Variants in BAG2 observed in about 807,000 individuals in gnomAD.
BAG2 encodes the protein BAG cochaperone 2, also known as BAG family molecular chaperone regulator 2.
Under a neutral mutation model 16.4 loss-of-function variants are expected in BAG2, and 8 were observed. The ratio of observed to expected loss-of-function variants is 0.49; its 90% CI spans 0.29 to 0.88. The LOEUF is 0.88. Among genes scored for constraint, BAG2 ranks in the 40% least tolerant of loss-of-function variants. The pLI is 0.09. For synonymous variants in BAG2, 82 were observed against 89.2 expected (o/e 0.92, Z 0.46); for missense variants, 218 against 248.9 (o/e 0.88, Z 0.84).
In BAG2 at chr6:57,188,794, A is replaced by T. The variant is rs1764716440; in HGVS notation, c.*4604A>T. ...ATGAAAAGCAAAAATTTACTTTTTA[A>T]TTTTTTTTATTTTTCCATCTAAAAT... On this transcript the variant is annotated 3_prime_UTR_variant, in exon 3 of 3. Transcript: ENST00000370693. 1 of 152,080 alleles carries T rather than the reference A, an allele frequency of 6.6e-6. No homozygotes were observed. Among genetic ancestry groups the T allele is most frequent in the East Asian group, 1.9e-4 (1 of 5,200 alleles). The allele number at this position is 152,080 out of a possible 1,614,324, so 9.4% of individuals were successfully genotyped here.
chr6:57,180,017 A>T (rs1428017190), intron 1 of BAG2, among the ~76,000 whole-genome samples: 1 of 152,158 alleles, frequency 6.6e-6, no homozygotes, highest in Non-Finnish European at 1.5e-5. Context: ...GATGATATGG[A>T]TATGATTATT....
chr6:57,179,468 A>G (rs998750742), intron 1 of BAG2, among the ~76,000 whole-genome samples: 1 of 152,202 alleles, frequency 6.6e-6, no homozygotes, highest in Non-Finnish European at 1.5e-5. Flanking sequence ...GGGAAAAGGC[A>G]TGTGTGTGCT....
chr6:57,173,265 A>G, intron 1 of BAG2: 1 of 985,918 alleles, frequency 1.0e-6, no homozygotes, highest in Non-Finnish European at 1.2e-6. Flanking sequence ...GTGGCCCTCC[A>G]CGTGAAGTTA....
At chr6:57,180,293 T>C (rs1764400901) in intron 1 of BAG2, among the ~76,000 whole-genome samples, 1 of 152,188 alleles carries the variant, frequency 6.6e-6, no homozygotes, top group Non-Finnish European at 1.5e-5. Flanking sequence ...ATTTCTCTTG[T>C]TTTTTGAGAA....
At position 57,187,857 on chromosome 6, in the gene BAG2, T is replaced by TTTA. The variant is rs1183685982; in HGVS notation, c.*3670_*3672dup. On this transcript the variant is annotated 3_prime_UTR_variant, in exon 3 of 3. Transcript: ENST00000370693. ...TCATCCTCTTTTTGGTAGTTTTAGC[T>TTTA]TTATTTTGAAAAAGTAACGTGTGCT... 2.0e-5 allele frequency: 3 copies of TTTA among 152,110 alleles called. No homozygotes were observed. The East Asian group carries it at 5.8e-4, about 29-fold the overall frequency. 9.4% of individuals were successfully genotyped at this position (152,110 alleles called of 1,614,324 possible). A position where few individuals can be genotyped will look rare whatever the true frequency, so the allele number is the denominator to read the frequency against.
In BAG2 at chr6:57,183,885, A is replaced by C; in HGVS notation, c.331A>C (p.Lys111Gln). 1 of 1,614,106 alleles carries C rather than the reference A, an allele frequency of 6.2e-7. No homozygotes were observed. The highest frequency in any genetic ancestry group is 8.5e-7 in the Non-Finnish European group (1 of 1,180,010). ...IRNPQQQESL[K>Q]HATRIIDEVV... ...AAACCCCCAGCAGCAAGAATCCCTA[A>C]AGCATGCCACAAGGATTATTGATGA... The change falls in exon 3 of 3, where the codon AAG becomes CAG. Residue 111 changes from lysine to glutamine, a missense_variant. Physicochemically the swap from Lys to Gln is moderately conservative, Grantham distance 53. Around this residue, in one of 3 missense-constraint regions of BAG2, gnomAD observed 113 missense variants for 128.0 expected, o/e 0.88. Coordinates refer to ENST00000370693, the MANE Select transcript of BAG2 (RefSeq NM_004282.4).
chr6:57,182,807 C>T (rs979422761), intron 2 of BAG2, among the ~76,000 whole-genome samples: 5 of 152,014 alleles, frequency 3.3e-5, no homozygotes, highest in African/African-American at 7.2e-5. Context: ...CGTGCCACCA[C>T]GCCTGGCTAA....
Position 57,185,548 on chromosome 6 carries a change from A to G in BAG2, c.*1358A>G, listed in dbSNP as rs1006603270. The G allele has an allele frequency of 2.0e-5, 3 of 152,244 alleles. No homozygotes were observed. The highest frequency in any genetic ancestry group is 4.4e-5 in the Non-Finnish European group (3 of 68,028). 9.4% of individuals were successfully genotyped at this position (152,244 alleles called of 1,614,324 possible). A position where few individuals can be genotyped will look rare whatever the true frequency, so the allele number is the denominator to read the frequency against. On this transcript the variant is annotated 3_prime_UTR_variant, in exon 3 of 3. Coordinates refer to ENST00000370693, the MANE Select transcript of BAG2 (RefSeq NM_004282.4). The stretch of plus-strand genomic sequence containing the variant: ...ACAAAAATGCCAAGTTAGTCTCTTT[A>G]TAAAAAGCAGTTACAATCTGAAGAC...
In BAG2 at chr6:57,187,660, A is replaced by G. The variant is rs1764653480; in HGVS notation, c.*3470A>G. Reference sequence around the variant, plus strand: ...AAAGGGTCCAACACTAAGTTGGGACATTAGGTCCTAAGGCCAACTCCCTAT... The same window carrying G: ...AAAGGGTCCAACACTAAGTTGGGACGTTAGGTCCTAAGGCCAACTCCCTAT... On this transcript the variant is annotated 3_prime_UTR_variant, in exon 3 of 3. Transcript: ENST00000370693. 6.6e-6 allele frequency: 1 copy of G among 152,202 alleles called. No individual in the cohort carries two copies. The highest frequency in any genetic ancestry group is 2.1e-4 in the South Asian group (1 of 4,820). The allele number at this position is 152,202 out of a possible 1,614,324, so 9.4% of individuals were successfully genotyped here.
At chr6:57,183,163 C>T (rs1480504559) in intron 2 of BAG2, among the ~76,000 whole-genome samples, 3 of 152,178 alleles carry the variant, frequency 2.0e-5, no homozygotes, top group African/African-American at 7.2e-5. Context: ...CTACGCTATC[C>T]TGCCCAAAGA....
In BAG2 at chr6:57,185,119, C is replaced by T. The variant is rs533824565; in HGVS notation, c.*929C>T. The stretch of plus-strand genomic sequence containing the variant: ...ATTATATTGGGTCAAAGGATATAGA[C>T]GTTTTCATGGCCTCACACATATTAA... On this transcript the variant is annotated 3_prime_UTR_variant, in exon 3 of 3. Transcript: ENST00000370693. 6.6e-6 allele frequency: 1 copy of T among 152,088 alleles called. No homozygotes were observed. Among genetic ancestry groups the T allele is most frequent in the African/African-American group, 2.4e-5 (1 of 41,422 alleles). 9.4% of individuals were successfully genotyped at this position (152,088 alleles called of 1,614,324 possible).
rs1005505389 is a variant in BAG2 at position 57,187,430 on chromosome 6, A to C, written c.*3240A>C. ...TGAAAACCTAAGGAGTGACAATAGT[A>C]CATGTGACATTCTTAACAGTTAAAA... is the stretch of plus-strand genomic sequence containing the variant. On this transcript the variant is annotated 3_prime_UTR_variant, in exon 3 of 3. Transcript: ENST00000370693. The C allele has an allele frequency of 6.6e-6, 1 of 152,196 alleles. No homozygotes were observed. The highest frequency in any genetic ancestry group is 2.4e-5 in the African/African-American group (1 of 41,456). 9.4% of individuals were successfully genotyped at this position (152,196 alleles called of 1,614,324 possible).
At chr6:57,180,938 T>C (rs770020447) in intron 1 of BAG2, among the ~76,000 whole-genome samples, 5 of 152,056 alleles carry the variant, frequency 3.3e-5, no homozygotes, top group Non-Finnish European at 7.4e-5. Flanking sequence ...TGTTTAAAAA[T>C]AGAAAAGCAA....
chr6:57,174,212 TAAC>T (rs1266339206), intron 1 of BAG2: 1 of 1,094,838 alleles, frequency 9.1e-7, no homozygotes, highest in Non-Finnish European at 1.1e-6. Flanking sequence ...GGGAGCCACA[TAAC>T]AAGTAACACA....
Sources: allele counts gnomAD v4.1 joint callset (sites outside exome capture counted in the v4.1 genomes callset), GRCh38; gene constraint gnomAD v4.1.1; regional missense constraint gnomAD v4.1.1; transcripts MANE v1.5; gene names NCBI Gene and HGNC (gene_info 2026-07-23, HGNC 2026-07-21).